CTSE: variants seen among roughly 807,000 people sequenced by gnomAD.
CTSE encodes the protein cathepsin E.
A neutral mutation model predicts 42.8 loss-of-function variants in CTSE; 43 were observed. That is an observed-to-expected ratio of 1.01 (90% CI 0.79 to 1.30). The LOEUF is 1.30. Among genes scored for constraint, CTSE ranks in the 50% most tolerant of loss-of-function variants. The pLI is 0.00. For missense variants in CTSE, 532 were observed against 493.5 expected (o/e 1.08, Z -0.74); for synonymous variants, 205 against 191.5 (o/e 1.07, Z -0.58).
chr1:206,011,256 C>T (rs1420160343), intron 8 of CTSE, among the ~76,000 whole-genome samples: 10 of 151,946 alleles, frequency 6.6e-5, no homozygotes, highest in Admixed American at 2.0e-4. Context: ...ACTCACCATA[C>T]CGGGAAAGAA....
intron 3 of CTSE, among the ~76,000 whole-genome samples, chr1:206,021,795 C>T (rs899733591): frequency 1.3e-5 from 2 of 152,090 alleles, no homozygotes; most frequent in Non-Finnish European, 2.9e-5. Context: ...ACCCGACTCA[C>T]CTCCCTGCTC....
chr1:206,013,806 TGA>T lies in CTSE; in HGVS notation c.749_750del (p.Val250AspfsTer12). 1.2e-6 allele frequency: 2 copies of T among 1,613,790 alleles called. No individual in the cohort carries two copies. The highest frequency in any genetic ancestry group is 2.2e-5 in the South Asian group (2 of 91,068). On this transcript the variant is annotated frameshift_variant, in exon 6 of 9. Transcript: ENST00000358184. LOFTEE classifies it high-confidence loss of function. ...GCAATCTGCCAGTAAGCTTGCTTGG[TGA>T]CTGGGACCCAATTCAGGCTCCCAGA... ...HFSGSLNWVPVTKQAYWQIAL... is the reference protein window; with the variant it reads ...HFSGSLNWVPXTKQAYWQIAL...
At position 206,010,207 on chromosome 1, in the gene CTSE, C is replaced by T. The variant is rs1661048250; in HGVS notation, c.1167G>A (p.Val389=). The T allele has an allele frequency of 1.2e-6, 2 of 1,613,656 alleles. No homozygotes were observed. Among genetic ancestry groups the T allele is most frequent in the African/African-American group, 1.3e-5 (1 of 74,892 alleles). ...CTTAGGGGACTGCTGGGGCCAGTCC[C>T]ACACGGTTATTCCCACGGTCAAAGA... ...YSVFDRGNNR[V]GLAPAVP The change falls in exon 9 of 9, where the codon GTG becomes GTA. Residue 389 remains valine (V), a synonymous_variant. Transcript: ENST00000358184.
At chr1:206,014,032 C>T (rs1362457062) in intron 5 of CTSE, 138 bp from the exon 6 acceptor site, 8 of 903,684 alleles carry the variant, frequency 8.9e-6, no homozygotes, top group Admixed American at 6.8e-5. Context: ...GCTTTGAGAC[C>T]GGGACTCTGA....
intron 4 of CTSE, among the ~76,000 whole-genome samples, chr1:206,020,814 G>A (rs1571820159): frequency 6.6e-6 from 1 of 152,064 alleles, no homozygotes; most frequent in African/African-American, 2.4e-5. Flanking sequence ...TTTGTGCACT[G>A]GGCACTGCTT....
At chr1:206,016,168 C>T in intron 4 of CTSE, 38 bp from the exon 5 acceptor site, 4 of 1,587,458 alleles carry the variant, frequency 2.5e-6, no homozygotes, top group Non-Finnish European at 3.5e-6. Flanking sequence ...AGGAGAATGG[C>T]ACAGGGGATT....
At chr1:206,014,970 A>G (rs1661221943) in intron 5 of CTSE, among the ~76,000 whole-genome samples, 2 of 152,012 alleles carry the variant, frequency 1.3e-5, no homozygotes, top group African/African-American at 4.8e-5. Context: ...AACAGTGTGA[A>G]CGCAGGCCAG....
intron 8 of CTSE, among the ~76,000 whole-genome samples, 178 bp downstream of exon 8, chr1:206,012,130 C>T (rs1182628860): frequency 6.6e-6 from 1 of 152,096 alleles, no homozygotes; most frequent in Non-Finnish European, 1.5e-5. Context: ...AGAGCAAGCC[C>T]CGTGGTCTTT....
At chr1:206,014,442 AG>A in intron 5 of CTSE, among the ~76,000 whole-genome samples, 1 of 152,244 alleles carries the variant, frequency 6.6e-6, no homozygotes, top group South Asian at 2.1e-4. Context: ...ATAGGACCTA[AG>A]ACAGATTCAT....
chr1:206,010,525 C>T lies in CTSE; in HGVS notation c.1027-178G>A, dbSNP rs552867453. 2.7e-3 allele frequency among the ~76,000 whole-genome samples: 411 copies of T among 152,132 alleles called. 3 individuals are homozygous for T. Among genetic ancestry groups the T allele is most frequent in the African/African-American group, 9.1e-3 (378 of 41,530 alleles). On this transcript the variant is annotated intron_variant, in intron 8 of 8. Transcript: ENST00000358184. ...CTTCATATGTCCCTACCCTAGGTTG[C>T]TTAATAAAGTGTTTGTCTGCACAAG...
rs1378251045 is a variant in CTSE at position 206,013,899 on chromosome 1, A to G, written c.663-5T>C. On this transcript the variant is annotated splice_region_variant and splice_polypyrimidine_tract_variant and intron_variant, in intron 5 of 8. Transcript: ENST00000358184. ...CCCGCACCACCTTCTGGGTTACTAC[A>G]TGGAGAGAAAGACAAACTGTCCAGG... 15 of 1,613,410 alleles carry G rather than the reference A, an allele frequency of 9.3e-6. No individual in the cohort carries two copies. Among genetic ancestry groups the G allele is most frequent in the East Asian group, 2.2e-5 (1 of 44,896 alleles).
At position 206,009,998 on chromosome 1, in the gene CTSE, AGT is replaced by A. The variant is rs149633615; in HGVS notation, c.*183_*184del. The A allele has an allele frequency of 1.2e-3, 675 of 577,736 alleles. No individual in the cohort carries two copies. Among genetic ancestry groups the A allele is most frequent in the South Asian group, 1.6e-3 (71 of 44,668 alleles). The allele number at this position is 577,736 out of a possible 1,614,324, so 35.8% of individuals were successfully genotyped here. On this transcript the variant is annotated 3_prime_UTR_variant, in exon 9 of 9. Coordinates refer to ENST00000358184, the MANE Select transcript of CTSE (RefSeq NM_001910.4). ...TGGTGGGAGTGGTGTGTATGTGTGA[AGT>A]GTGTGTGTGTGTATATGTGTGTGTG...
rs1362296560 is a variant in CTSE, at chr1:206,009,998, AGTGTGTGTGTGTGTATATGT to A, written c.*165_*184del. On this transcript the variant is annotated 3_prime_UTR_variant, in exon 9 of 9. Transcript: ENST00000358184. ...TGGTGGGAGTGGTGTGTATGTGTGA[AGTGTGTGTGTGTGTATATGT>A]GTGTGTGTGTGTGTATTCTCATGTT... The A allele has an allele frequency of 8.5e-6, 5 of 586,934 alleles. No homozygotes were observed. Among genetic ancestry groups the A allele is most frequent in the Middle Eastern group, 4.5e-4 (1 of 2,240 alleles). 36.4% of individuals were successfully genotyped at this position (586,934 alleles called of 1,614,324 possible).
chr1:206,022,318 AG>A, intron 2 of CTSE, 51 bp from the exon 3 acceptor site: 1 of 1,359,826 alleles, frequency 7.4e-7, no homozygotes. Flanking sequence ...GGGAGGGACA[AG>A]GGTGCTCACC....
chr1:206,010,180 T>A lies in CTSE; in HGVS notation c.*3A>T. ...CAGGCAGGCACAGACACAAGGCCCC[T>A]CCTTAGGGGACTGCTGGGGCCAGTC... On this transcript the variant is annotated 3_prime_UTR_variant, in exon 9 of 9. Coordinates refer to ENST00000358184, the MANE Select transcript of CTSE (RefSeq NM_001910.4). 2 of 1,613,650 alleles carry A rather than the reference T, an allele frequency of 1.2e-6. No homozygotes were observed. The highest frequency in any genetic ancestry group is 2.7e-5 in the African/African-American group (2 of 75,000).
chr1:206,021,496 A>G, intron 3 of CTSE: 1 of 283,076 alleles, frequency 3.5e-6, no homozygotes, highest in Non-Finnish European at 6.6e-6. Flanking sequence ...TGGCTTCAAA[A>G]GAAACTCAGG....
intron 8 of CTSE, among the ~76,000 whole-genome samples, chr1:206,011,648 C>G (rs1241794311): frequency 1.3e-5 from 2 of 151,980 alleles, no homozygotes; most frequent in African/African-American, 4.8e-5. Flanking sequence ...CTTAGCACCC[C>G]TCTTCTGATG....
chr1:206,012,562 G>A lies in CTSE; in HGVS notation c.873C>T (p.Ser291=), dbSNP rs1571809888. ...DTGTSLITGP[S]DKIKQLQNAI... ...CGTTTTGCAGCTGCTTAATCTTGTC[G>A]GAAGGGCCAGTGATGAGGGAAGTCC... The change falls in exon 7 of 9, where the codon TCC becomes TCT. Residue 291 remains serine, a synonymous_variant. Transcript: ENST00000358184. The A allele has an allele frequency of 1.1e-5, 18 of 1,613,888 alleles. No individual in the cohort carries two copies. The highest frequency in any genetic ancestry group is 2.2e-5 in the East Asian group (1 of 44,886).
chr1:206,014,358 A>G (rs535075196), intron 5 of CTSE, among the ~76,000 whole-genome samples: 49 of 152,086 alleles, frequency 3.2e-4, no homozygotes, highest in Non-Finnish European at 6.2e-4. Context: ...ATGACTTACT[A>G]GAGCCTGAAA....
Sources: allele counts gnomAD v4.1 joint callset (sites outside exome capture counted in the v4.1 genomes callset), GRCh38; gene constraint gnomAD v4.1.1; transcripts MANE v1.5; gene names NCBI Gene and HGNC (gene_info 2026-07-23, HGNC 2026-07-21).